The following SEC14L5 variants were observed in gnomAD, a reference collection of about 807,000 sequenced individuals.
The protein encoded by SEC14L5 is SEC14 like lipid binding 5.
SEC14L5 carries 96 observed loss-of-function variants against 84.6 expected under a neutral mutation model. The ratio of observed to expected loss-of-function variants is 1.13; its 90% CI spans 0.96 to 1.34. SEC14L5 has a LOEUF of 1.34. Ranked by LOEUF, SEC14L5 falls within the 40% of genes most tolerant of loss-of-function variation. The pLI is 0.00. For synonymous variants in SEC14L5, 546 were observed against 383.4 expected (o/e 1.42, Z -4.95); for missense variants, 1,224 against 942.5 (o/e 1.30, Z -3.91).
At chr16:5,000,354 C>G (rs1049819407) in intron 8 of SEC14L5, among the ~76,000 whole-genome samples, 6 of 152,188 alleles carry the variant, frequency 3.9e-5, no homozygotes, top group Admixed American at 3.9e-4. Context: ...CCAGGCTGGT[C>G]TCAAAACTCC....
At chr16:4,981,023 G>T (rs528330414) in intron 2 of SEC14L5, among the ~76,000 whole-genome samples, 9 of 149,974 alleles carry the variant, frequency 6.0e-5, no homozygotes, top group African/African-American at 2.2e-4. Flanking sequence ...AGGGGGCTGG[G>T]ATGGGAGGTG....
At chr16:4,999,210 C>G (rs1024402712) in intron 8 of SEC14L5, among the ~76,000 whole-genome samples, 1 of 152,198 alleles carries the variant, frequency 6.6e-6, no homozygotes, top group Non-Finnish European at 1.5e-5. Flanking sequence ...ATGCAGAAAA[C>G]ACCCAAAGTG....
chr16:4,980,251 G>A (rs550850252), intron 2 of SEC14L5, among the ~76,000 whole-genome samples: 1 of 152,334 alleles, frequency 6.6e-6, no homozygotes, highest in South Asian at 2.1e-4. Flanking sequence ...TGGACAACTG[G>A]CTCTGGGATG....
intron 2 of SEC14L5, among the ~76,000 whole-genome samples, chr16:4,975,580 C>T (rs374751318): frequency 6.6e-6 from 1 of 150,604 alleles, no homozygotes; most frequent in Non-Finnish European, 1.5e-5. Context: ...GGTTGATGGG[C>T]GTTTGGGTTG....
chr16:4,990,728 G>C, intron 4 of SEC14L5, 39 bp from the exon 5 acceptor site: 1 of 1,572,082 alleles, frequency 6.4e-7, no homozygotes, highest in African/African-American at 1.4e-5. Flanking sequence ...GGGTGCCCCC[G>C]ACATTGAGTC....
In SEC14L5 at chr16:5,008,519, G is replaced by A. The variant is rs575824237; in HGVS notation, c.1671G>A (p.Ala557=). The A allele has an allele frequency of 2.5e-6, 4 of 1,610,070 alleles. No individual in the cohort carries two copies. The African/African-American group carries it at 5.4e-5, about 22-fold the overall frequency. The change falls in exon 14 of 16, where the codon GCG becomes GCA. Residue 557 remains alanine, a synonymous_variant. Transcript: ENST00000251170. ...VVFSLYHTKQ[A]PRLGAREPGT... is the part of the protein sequence containing the mutation. ...TCAGCCTGTACCACACCAAGCAGGC[G>A]CCCAGGCTGGGCGCCCGGGAACCGG...
At chr16:5,007,273 CA>C in intron 12 of SEC14L5, 78 bp from the exon 13 acceptor site, 1 of 1,395,196 alleles carries the variant, frequency 7.2e-7, no homozygotes, top group Non-Finnish European at 9.9e-7. Context: ...CTTTGGGGGT[CA>C]CACATCACCC....
At chr16:5,002,035 G>A (rs962433019) in intron 10 of SEC14L5, among the ~76,000 whole-genome samples, 1 of 152,238 alleles carries the variant, frequency 6.6e-6, no homozygotes, top group African/African-American at 2.4e-5. Flanking sequence ...CTTCCAAAGG[G>A]TTGGGATTAC....
Position 4,977,761 on chromosome 16 carries a change from G to C in SEC14L5, c.64-9796G>C, listed in dbSNP as rs370205097. On this transcript the variant is annotated intron_variant, in intron 2 of 15. Coordinates refer to ENST00000251170, the MANE Select transcript of SEC14L5 (RefSeq NM_014692.2). The stretch of plus-strand genomic sequence containing the variant: ...GGTAAGGTCCCTCTCCACTTGGCAG[G>C]CGTTTGAATTTTATTCAGCCAGTGT... 7.3e-4 allele frequency among the ~76,000 whole-genome samples: 111 copies of C among 151,828 alleles called. 2 individuals are homozygous for C. The South Asian group carries it at 0.021, about 29-fold the overall frequency.
intron 12 of SEC14L5, among the ~76,000 whole-genome samples, chr16:5,006,475 C>T (rs183966485): frequency 1.3e-5 from 2 of 152,314 alleles, no homozygotes; most frequent in African/African-American, 4.8e-5. Flanking sequence ...CACAGCCACA[C>T]AGCCTGAAAC....
At chr16:4,976,601 C>T (rs1955343628) in intron 2 of SEC14L5, among the ~76,000 whole-genome samples, 2 of 152,228 alleles carry the variant, frequency 1.3e-5, no homozygotes, top group Admixed American at 6.5e-5. Context: ...TATTTAGCTC[C>T]AGCCTCCCAT....
In SEC14L5 at chr16:4,996,365, G is replaced by C. The variant is rs778504699; in HGVS notation, c.685G>C (p.Asp229His). Residue 229 changes from aspartate to histidine, a missense_variant, in exon 7 of 16, where the codon GAC becomes CAC. Transcript: ENST00000251170. ...CCTCCAAGGGGACAAGCTGGATGCG[G>C]ACTACATTGAGAGGTGCCTGGGCCA... ...VSMDGDKLDA[D>H]YIERCLGHLT... 1.5e-5 allele frequency: 23 copies of C among 1,559,656 alleles called. No homozygotes were observed. Among genetic ancestry groups the C allele is most frequent in the Middle Eastern group, 3.3e-4 (2 of 6,026 alleles).
intron 8 of SEC14L5, among the ~76,000 whole-genome samples, chr16:4,998,156 CCA>C (rs1428685497): frequency 1.3e-5 from 2 of 151,710 alleles, no homozygotes; most frequent in African/African-American, 4.8e-5. Flanking sequence ...CAGGCGTGCA[CCA>C]CCATGCTTGG....
At chr16:4,977,284 T>C (rs939078446) in intron 2 of SEC14L5, among the ~76,000 whole-genome samples, 2 of 151,086 alleles carry the variant, frequency 1.3e-5, no homozygotes, top group Middle Eastern at 3.2e-3. Context: ...CCATCTCTAC[T>C]AAAAGTACAA....
Position 4,987,629 on chromosome 16 carries a change from C to A in SEC14L5, c.136C>A (p.Arg46Ser), listed in dbSNP as rs867574150. 6.4e-7 allele frequency: 1 copy of A among 1,556,992 alleles called. No individual in the cohort carries two copies. Among genetic ancestry groups the A allele is most frequent in the Non-Finnish European group, 8.7e-7 (1 of 1,151,718 alleles). ...FLGSEVLRES[R>S]SPDGAVHVVE... is the part of the protein sequence containing the mutation. ...GGGCAGCGAGGTCTTGCGCGAGTCCCGCAGCCCGGACGGGGCTGTGCACGT... is the reference window on the plus strand; with the variant it reads ...GGGCAGCGAGGTCTTGCGCGAGTCCAGCAGCCCGGACGGGGCTGTGCACGT... The change falls in exon 3 of 16, where the codon CGC becomes AGC. Residue 46 changes from arginine (R) to serine (S), a missense_variant. Transcript: ENST00000251170.
intron 11 of SEC14L5, among the ~76,000 whole-genome samples, chr16:5,004,926 C>A (rs547055530): frequency 1.3e-5 from 2 of 152,336 alleles, no homozygotes; most frequent in Admixed American, 6.5e-5. Flanking sequence ...AGCACTGATC[C>A]TCCAACACGG....
intron 15 of SEC14L5, among the ~76,000 whole-genome samples, 186 bp from the exon 16 acceptor site, chr16:5,014,673 G>A (rs1955850396): frequency 6.6e-6 from 1 of 152,244 alleles, no homozygotes; most frequent in African/African-American, 2.4e-5. Context: ...GCTCCATCTG[G>A]GGAGATGGGA....
intron 14 of SEC14L5, among the ~76,000 whole-genome samples, chr16:5,009,020 A>G (rs1955769423): frequency 6.6e-6 from 1 of 152,220 alleles, no homozygotes; most frequent in African/African-American, 2.4e-5. Context: ...GCCTAAAACA[A>G]CAAAAATTTA....
intron 2 of SEC14L5, among the ~76,000 whole-genome samples, chr16:4,982,514 C>G (rs1237251335): frequency 2.0e-5 from 3 of 152,144 alleles, no homozygotes; most frequent in Non-Finnish European, 2.9e-5. Flanking sequence ...TCTACACCCC[C>G]GCCTGGGAGG....
Sources: gnomAD v4.1 joint callset for allele counts (sites outside exome capture counted in the v4.1 genomes callset) on GRCh38, gnomAD v4.1.1 for gene constraint, MANE v1.5 for transcripts, NCBI Gene and HGNC (gene_info 2026-07-23, HGNC 2026-07-21) for gene names.